Variants in ZFAT observed in about 807,000 individuals in gnomAD.
ZFAT encodes the protein zinc finger and AT-hook domain containing.
Under a neutral mutation model 117.7 loss-of-function variants are expected in ZFAT, and 64 were observed. That is an observed-to-expected ratio of 0.54 (90% CI 0.44 to 0.67). The LOEUF (loss-of-function observed/expected upper bound fraction) is 0.67. ZFAT is among the 30% of genes least tolerant of loss of function. ZFAT has a pLI of 0.00. For synonymous variants in ZFAT, 679 were observed against 615.0 expected (o/e 1.10, Z -1.54); for missense variants, 1,433 against 1,584.5 (o/e 0.90, Z 1.62).
intron 5 of ZFAT, among the ~76,000 whole-genome samples, chr8:134,607,851 A>G (rs993194289): frequency 5.9e-5 from 9 of 152,240 alleles, no homozygotes; most frequent in Admixed American, 5.2e-4. Context: ...GACTGTAGAG[A>G]AACACACTGG....
At chr8:134,785,026 G>A in the ZFAT span, 1 of 152,158 alleles carries the variant, frequency 6.6e-6, no homozygotes, top group African/African-American at 2.4e-5. Context: ...ATGTTGAACT[G>A]CTGTTATAAG....
upstream of ZFAT, among the ~76,000 whole-genome samples, chr8:134,715,826 C>T (rs956845148): frequency 7.9e-5 from 12 of 152,076 alleles, no homozygotes; most frequent in Middle Eastern, 6.8e-3. Flanking sequence ...TGAATATATT[C>T]GTGTCAATAA....
chr8:134,513,895 T>G (rs1215567216), intron 13 of ZFAT, among the ~76,000 whole-genome samples: 1 of 152,222 alleles, frequency 6.6e-6, no homozygotes, highest in African/African-American at 2.4e-5. Flanking sequence ...CCAAAAAATA[T>G]TCAATGAATG....
chr8:134,770,078 C>T, the ZFAT span, among the ~76,000 whole-genome samples: 1 of 152,244 alleles, frequency 6.6e-6, no homozygotes, highest in African/African-American at 2.4e-5. Context: ...ACAAAGGTCT[C>T]TGACATGCCC....
At position 134,509,652 on chromosome 8, in the gene ZFAT, G is replaced by A. The variant is rs1259139732; in HGVS notation, c.3459C>T (p.Ala1153=). The change falls in exon 15 of 16, where the codon GCC becomes GCT. Residue 1153 remains alanine (A), a synonymous_variant. Transcript: ENST00000377838. ...CCACAGTCACCGTCCCTGGTGCCATGGCAACCACCGAGGCAAGGGCAGTGG... is the reference window on the plus strand; with the variant it reads ...CCACAGTCACCGTCCCTGGTGCCATAGCAACCACCGAGGCAAGGGCAGTGG... ...HDATALASVV[A]MAPGTVTVVK... is the part of the protein sequence containing the mutation. 1.9e-6 allele frequency: 3 copies of A among 1,613,492 alleles called. No homozygotes were observed. Among genetic ancestry groups the A allele is most frequent in the Non-Finnish European group, 2.5e-6 (3 of 1,179,786 alleles).
intron 3 of ZFAT, among the ~76,000 whole-genome samples, chr8:134,634,742 G>A (rs1215825254): frequency 2.6e-5 from 4 of 152,162 alleles, no homozygotes; most frequent in South Asian, 2.1e-4. Context: ...AGAGCCACAC[G>A]GAAAGATGGT....
chr8:134,485,898 G>A lies in ZFAT; in HGVS notation c.3493-7177C>T, dbSNP rs138990868. Among the ~76,000 whole-genome samples the A allele has an allele frequency of 2.8e-3, 425 of 152,212 alleles. 1 individual carries two copies. Among genetic ancestry groups the A allele is most frequent in the African/African-American group, 9.3e-3 (385 of 41,538 alleles). ...GGAATACGATAAACACCACAAATTC[G>A]CATCACAGCTTTCAAAACAGGGTGC... is the stretch of plus-strand genomic sequence containing the variant. On this transcript the variant is annotated intron_variant, in intron 15 of 15. Coordinates refer to ENST00000377838, the MANE Select transcript of ZFAT (RefSeq NM_020863.4).
the ZFAT span, among the ~76,000 whole-genome samples, chr8:134,810,836 C>T: frequency 6.6e-6 from 1 of 152,118 alleles, no homozygotes; most frequent in Non-Finnish European, 1.5e-5. Flanking sequence ...AACCTTCCCC[C>T]TGAAAGTCTG....
the ZFAT span, among the ~76,000 whole-genome samples, chr8:134,831,488 G>T: frequency 6.6e-6 from 1 of 152,182 alleles, no homozygotes; most frequent in African/African-American, 2.4e-5. Flanking sequence ...CCATCCAGAC[G>T]GGTGCTCCCG....
intron 3 of ZFAT, among the ~76,000 whole-genome samples, chr8:134,634,772 A>T (rs1830104023): frequency 6.6e-6 from 1 of 152,202 alleles, no homozygotes; most frequent in South Asian, 2.1e-4. Flanking sequence ...GGTCTTGAAC[A>T]TGCAGGGAGA....
chr8:134,573,053 C>T (rs1825042011), intron 10 of ZFAT, among the ~76,000 whole-genome samples: 1 of 152,210 alleles, frequency 6.6e-6, no homozygotes, highest in Non-Finnish European at 1.5e-5. Context: ...GCAAGTTATG[C>T]TGCTAGAAGT....
At chr8:134,720,399 G>T in the ZFAT span, among the ~76,000 whole-genome samples, 8 of 152,216 alleles carry the variant, frequency 5.3e-5, no homozygotes, top group Non-Finnish European at 1.2e-4. Flanking sequence ...GAGTCCATTT[G>T]GGGGAAGGAT....
chr8:134,644,532 A>G (rs1018565863), intron 2 of ZFAT, among the ~76,000 whole-genome samples: 1 of 152,104 alleles, frequency 6.6e-6, no homozygotes, highest in Non-Finnish European at 1.5e-5. Context: ...ACAAGCACCT[A>G]TACAACCACA....
chr8:134,700,090 C>T (rs1833969853), intron 1 of ZFAT, among the ~76,000 whole-genome samples: 1 of 152,236 alleles, frequency 6.6e-6, no homozygotes, highest in African/African-American at 2.4e-5. Flanking sequence ...CTCTCAAGAT[C>T]ACCTCAAAAA....
chr8:134,555,512 T>C (rs1352466925), intron 11 of ZFAT, among the ~76,000 whole-genome samples: 3 of 152,200 alleles, frequency 2.0e-5, no homozygotes, highest in African/African-American at 7.2e-5. Context: ...AACTCTTTTC[T>C]ACACAATCCA....
At chr8:134,559,516 A>G (rs568421718) in intron 11 of ZFAT, among the ~76,000 whole-genome samples, 2 of 152,244 alleles carry the variant, frequency 1.3e-5, no homozygotes, top group Non-Finnish European at 2.9e-5. Flanking sequence ...TAAGCATTTC[A>G]TGCATCTGCA....
chr8:134,629,454 T>C (rs1191302164), intron 3 of ZFAT, among the ~76,000 whole-genome samples: 1 of 151,514 alleles, frequency 6.6e-6, no homozygotes, highest in Non-Finnish European at 1.5e-5. Flanking sequence ...TGAACTCAGG[T>C]GGGGCCATGT....
At chr8:134,493,537 C>T (rs1343890326) in intron 15 of ZFAT, among the ~76,000 whole-genome samples, 2 of 152,228 alleles carry the variant, frequency 1.3e-5, no homozygotes, top group Non-Finnish European at 2.9e-5. Context: ...TTAGTTTGAT[C>T]TGAATAATCA....
At chr8:134,526,060 T>C (rs1344786922) in intron 12 of ZFAT, among the ~76,000 whole-genome samples, 1 of 152,210 alleles carries the variant, frequency 6.6e-6, no homozygotes, top group East Asian at 1.9e-4. Context: ...TTGTTGTTGT[T>C]GTTAAGCTGA....
Sources: gnomAD v4.1 joint callset for allele counts (sites outside exome capture counted in the v4.1 genomes callset) on GRCh38, gnomAD v4.1.1 for gene constraint, MANE v1.5 for transcripts, NCBI Gene and HGNC (gene_info 2026-07-23, HGNC 2026-07-21) for gene names.